The following CASP10 variants were observed in gnomAD, a reference collection of about 807,000 sequenced individuals.
CASP10 encodes the protein caspase-10.
In CASP10, 41 loss-of-function variants were observed where a neutral mutation model predicts 48.5. That is an observed-to-expected ratio of 0.85 (90% confidence interval 0.66 to 1.10). CASP10 has a LOEUF of 1.10. Among genes scored for constraint, CASP10 ranks in the 50% least tolerant of loss-of-function variants. The probability of loss-of-function intolerance (pLI) is 0.00; values close to 1 mark genes in which losing one functional copy is unlikely to be tolerated. For synonymous variants in CASP10, 232 were observed against 238.4 expected (o/e 0.97, Z 0.25); for missense variants, 614 against 614.5 (o/e 1.00, Z 0.01).
chr2:201,213,623 T>G (rs1945473192), intron 9 of CASP10: 1 of 152,152 alleles, frequency 6.6e-6, no homozygotes, highest in Non-Finnish European at 1.5e-5. Context: ...ATGTTTGACG[T>G]CCTCGAGAGA....
intron 4 of CASP10, among the ~76,000 whole-genome samples, chr2:201,193,917 G>A (rs1944700451): frequency 6.6e-6 from 1 of 151,998 alleles, no homozygotes; most frequent in South Asian, 2.1e-4. Flanking sequence ...CATAATAATT[G>A]TACCTACCTC....
At position 201,219,184 on chromosome 2, in the gene CASP10, C is replaced by G. The variant is rs1336346282; in HGVS notation, c.*1443C>G. On this transcript the variant is annotated 3_prime_UTR_variant, in exon 10 of 10. Transcript: ENST00000286186. ...ACTCGGGAGGCTGAGACAGGAGAAT[C>G]TCTTGAATCCAGGAGGCAGAGGCTG... 5.2e-6 allele frequency: 1 copy of G among 194,114 alleles called. No individual in the cohort carries two copies. The highest frequency in any genetic ancestry group is 9.4e-6 in the Non-Finnish European group (1 of 106,512). 12.0% of individuals were successfully genotyped at this position (194,114 alleles called of 1,614,324 possible).
chr2:201,190,929 T>C (rs920085330), intron 3 of CASP10, among the ~76,000 whole-genome samples: 1 of 152,094 alleles, frequency 6.6e-6, no homozygotes, highest in Non-Finnish European at 1.5e-5. Context: ...TGGTGCCATC[T>C]CGGCTCACTG....
chr2:201,203,679 CCTAA>C lies in CASP10; in HGVS notation c.685-48_685-45del, dbSNP rs749221874. ...ATCAAGTCTAGTTTTTGTTCCTCAT[CCTAA>C]CTGTGTGAAATTCCTATGTTTCATG... On this transcript the variant is annotated intron_variant, in intron 5 of 9. Coordinates refer to ENST00000286186, the MANE Select transcript of CASP10 (RefSeq NM_032977.4). 2.7e-4 allele frequency: 415 copies of C among 1,533,532 alleles called. 1 individual carries two copies. The highest frequency in any genetic ancestry group is 1.2e-3 in the Middle Eastern group (7 of 5,908). The allele number at this position is 1,533,532 out of a possible 1,614,324, so 95.0% of individuals were successfully genotyped here.
chr2:201,211,630 C>G lies in CASP10; in HGVS notation c.1415+2068C>G, dbSNP rs565852719. 2.6e-5 allele frequency among the ~76,000 whole-genome samples: 4 copies of G among 152,198 alleles called. No homozygotes were observed. The South Asian group carries it at 6.2e-4, about 24-fold the overall frequency. ...TTATCCATATATCCATTTTTGGACC[C>G]TTAGGTTGATTCCATATCTTGGCTA... On this transcript the variant is annotated intron_variant, in intron 9 of 9. Coordinates refer to ENST00000286186, the MANE Select transcript of CASP10 (RefSeq NM_032977.4).
chr2:201,199,430 C>T (rs1057139520), intron 5 of CASP10, among the ~76,000 whole-genome samples: 1 of 151,956 alleles, frequency 6.6e-6, no homozygotes, highest in African/African-American at 2.4e-5. Context: ...GTGGGAGGAC[C>T]ACTTGAGGCC....
rs769898861 is a variant in CASP10 at position 201,195,911 on chromosome 2, C to T, written c.647C>T (p.Ser216Phe). 5 of 1,613,896 alleles carry T rather than the reference C, an allele frequency of 3.1e-6. No individual in the cohort carries two copies. In the South Asian group the frequency reaches 3.3e-5, roughly 11 times the overall value. Residue 216 changes from serine to phenylalanine, a missense_variant, in exon 5 of 10, where the codon TCC (serine) becomes TTC (phenylalanine). Physicochemically the swap from Ser to Phe is radical, Grantham distance 155. Transcript: ENST00000286186. ...TATCAAGGAGAGGAAGAACTAGTTT[C>T]CCAAACAGATGTTAAGACATTCTTG... is the stretch of plus-strand genomic sequence containing the variant. ...ESYQGEEELV[S>F]QTDVKTFLEA...
At chr2:201,208,295 TATC>T in intron 8 of CASP10, 112 bp downstream of exon 8, 10 of 1,449,652 alleles carry the variant, frequency 6.9e-6, no homozygotes, top group Non-Finnish European at 9.1e-6. Context: ...GTAAGGATGA[TATC>T]ATGTTTCTGA....
intron 6 of CASP10, among the ~76,000 whole-genome samples, chr2:201,204,405 C>A (rs980598423): frequency 6.6e-6 from 1 of 152,104 alleles, no homozygotes; most frequent in Admixed American, 6.5e-5. Flanking sequence ...GCTTTGCTAG[C>A]AATTTGTCTT....
chr2:201,200,709 A>T, intron 5 of CASP10: 3 of 1,287,348 alleles, frequency 2.3e-6, no homozygotes, highest in Non-Finnish European at 2.9e-6. Flanking sequence ...ATCCTTAATT[A>T]AAAGAAATGG....
Position 201,205,866 on chromosome 2 carries a change from G to T in CASP10, c.722-16G>T, listed in dbSNP as rs41500646. 1,445 of 1,485,870 alleles carry T rather than the reference G, an allele frequency of 9.7e-4. 17 individuals carry two copies. The African/African-American group carries it at 0.018, about 18-fold the overall frequency. 92.0% of individuals were successfully genotyped at this position (1,485,870 alleles called of 1,614,324 possible). On this transcript the variant is annotated splice_polypyrimidine_tract_variant and intron_variant, in intron 6 of 9. Coordinates refer to ENST00000286186, the MANE Select transcript of CASP10 (RefSeq NM_032977.4). ...CTTGGGGAAGATATTTGGAGTCTGA[G>T]TACCTCTCTTTCTAGGTAACAGAGC...
chr2:201,209,605 T>C, intron 9 of CASP10, 43 bp downstream of exon 9: 1 of 1,561,892 alleles, frequency 6.4e-7, no homozygotes, highest in Non-Finnish European at 8.7e-7. Flanking sequence ...TAATTAGTTT[T>C]ATTTATTTTT....
chr2:201,203,361 C>T (rs1945089362), intron 5 of CASP10, among the ~76,000 whole-genome samples: 1 of 149,634 alleles, frequency 6.7e-6, no homozygotes, highest in South Asian at 2.1e-4. Flanking sequence ...GGCTGGAGTG[C>T]AGTTGCGCAA....
In CASP10 at chr2:201,218,093, A is replaced by AT. The variant is rs1945631695; in HGVS notation, c.*358dup. 2.8e-5 allele frequency: 21 copies of AT among 760,444 alleles called. No homozygotes were observed. Among genetic ancestry groups the AT allele is most frequent in the Non-Finnish European group, 3.7e-5 (21 of 574,786 alleles). The allele number at this position is 760,444 out of a possible 1,614,324, so 47.1% of individuals were successfully genotyped here. A position where few individuals can be genotyped will look rare whatever the true frequency, so the allele number is the denominator to read the frequency against. On this transcript the variant is annotated 3_prime_UTR_variant, in exon 10 of 10. Coordinates refer to ENST00000286186, the MANE Select transcript of CASP10 (RefSeq NM_032977.4). ...CGTGCCCGGATTTTTTTTATTCTTT[A>AT]TTTTTTGTAGAGATGGAGGGATCTC... is the stretch of plus-strand genomic sequence containing the variant.
intron 4 of CASP10, among the ~76,000 whole-genome samples, chr2:201,194,543 A>T (rs532198984): frequency 4.6e-4 from 70 of 152,366 alleles, no homozygotes; most frequent in African/African-American, 1.6e-3. Context: ...TCAAATTATC[A>T]AATGAGAAAT....
Position 201,228,938 on chromosome 2 carries a change from TGAAATTTCTGGAAAAGA to T in CASP10, c.1422_1438del (p.Lys475AsnfsTer14). On this transcript the variant is annotated frameshift_variant, in exon 10 of 10. Transcript: ENST00000272879. LOFTEE classifies it low-confidence loss of function (END_TRUNC). ...TTTCTCTTTGTGCTCAGTAGGATGC[TGAAATTTCTGGAAAAGA>T]CAATGGAAATCAGGGGCAGGAAGAG... 6.2e-7 allele frequency: 1 copy of T among 1,614,128 alleles called. No homozygotes were observed. The highest frequency in any genetic ancestry group is 1.7e-5 in the Admixed American group (1 of 60,018).
chr2:201,196,853 ACCCCT>A (rs1277322440), intron 5 of CASP10, among the ~76,000 whole-genome samples: 1 of 151,960 alleles, frequency 6.6e-6, no homozygotes, highest in Non-Finnish European at 1.5e-5. Context: ...CTTCCCTCCA[ACCCCT>A]GGAAACCACC....
At chr2:201,229,082 A>G in exon 10 of CASP10, 1 of 1,614,054 alleles carries the variant, frequency 6.2e-7, no homozygotes, top group Admixed American at 1.7e-5. Flanking sequence ...AGCGTTTCCT[A>G]GTTCTTTCCA....
chr2:201,211,623 T>G (rs1945397361), intron 9 of CASP10, among the ~76,000 whole-genome samples: 1 of 152,204 alleles, frequency 6.6e-6, no homozygotes, highest in African/African-American at 2.4e-5. Flanking sequence ...ATATCCATTT[T>G]TGGACCCTTA....
Sources: gnomAD v4.1 joint callset for allele counts (sites outside exome capture counted in the v4.1 genomes callset) on GRCh38, gnomAD v4.1.1 for gene constraint, MANE v1.5 for transcripts, NCBI Gene and HGNC (gene_info 2026-07-23, HGNC 2026-07-21) for gene names.